Variants in DAB1 observed in about 807,000 individuals in gnomAD.
The protein encoded by DAB1 is disabled homolog 1.
A neutral mutation model predicts 64.6 loss-of-function variants in DAB1; 15 were observed. The ratio of observed to expected loss-of-function variants is 0.23; its 90% CI spans 0.16 to 0.36. The LOEUF (loss-of-function observed/expected upper bound fraction) is 0.36, where lower values mean the gene tolerates loss of function less well. Among genes scored for constraint, DAB1 ranks in the 10% least tolerant of loss-of-function variants. DAB1 has a pLI of 1.00. For missense variants in DAB1, 596 were observed against 706.7 expected (o/e 0.84, Z 1.78); for synonymous variants, 235 against 251.9 (o/e 0.93, Z 0.64).
intron 1 of DAB1, among the ~76,000 whole-genome samples, chr1:57,372,205 AAATTATGAC>A (rs779220621): frequency 4.3e-4 from 65 of 152,332 alleles, no homozygotes; most frequent in Middle Eastern, 3.4e-3. Context: ...AGACATTTAC[AAATTATGAC>A]AATTTCTCTA....
intron 5 of DAB1, among the ~76,000 whole-genome samples, chr1:58,147,494 T>C (rs2100726505): frequency 6.6e-6 from 1 of 151,436 alleles, no homozygotes; most frequent in Admixed American, 6.6e-5. Flanking sequence ...GGCAGACGCC[T>C]GTAGTCCCAG....
In DAB1 at chr1:57,168,665, G is replaced by A. The variant is rs12563280; in HGVS notation, c.68-23236C>T. On this transcript the variant is annotated intron_variant, in intron 2 of 14. Transcript: ENST00000371236. The stretch of plus-strand genomic sequence containing the variant: ...ATAAATGTAGTTCCTCCCCAAATGC[G>A]ATTTTTCCCTTGATCTCCCTTTCAC... 7.7e-3 allele frequency among the ~76,000 whole-genome samples: 1,174 copies of A among 152,192 alleles called. 21 individuals are homozygous for A. Among genetic ancestry groups the A allele is most frequent in the East Asian group, 0.069 (359 of 5,170 alleles).
intron 3 of DAB1, among the ~76,000 whole-genome samples, chr1:58,458,813 T>TCAAA (rs1553184193): frequency 1.9e-4 from 28 of 150,680 alleles, no homozygotes; most frequent in East Asian, 5.9e-4. Context: ...AGATTCTGTC[T>TCAAA]CAAACAAACA....
In DAB1 at chr1:58,081,651, A is replaced by G. The variant is rs115971176; in HGVS notation, n.387+68860T>C. On this transcript the variant is annotated intron_variant and non_coding_transcript_variant, in intron 5 of 20. Transcript: ENST00000485760. ...TCTTAGAAGAATGAAGAGTTGAACC[A>G]TTTGGTGAATGGCATATTTAATGGC... Among the ~76,000 whole-genome samples the G allele has an allele frequency of 5.6e-3, 860 of 152,338 alleles. 8 individuals are homozygous for G. Among genetic ancestry groups the G allele is most frequent in the African/African-American group, 0.02 (821 of 41,578 alleles).
At chr1:58,199,973 C>T (rs774099966) in intron 4 of DAB1, among the ~76,000 whole-genome samples, 5 of 152,070 alleles carry the variant, frequency 3.3e-5, no homozygotes, top group South Asian at 2.1e-4. Context: ...AGAGCAGGGG[C>T]GGAAGTGGAG....
chr1:57,354,354 G>C (rs1056380763), intron 1 of DAB1, among the ~76,000 whole-genome samples: 2 of 152,032 alleles, frequency 1.3e-5, no homozygotes, highest in African/African-American at 4.8e-5. Flanking sequence ...TTGGACCTTA[G>C]ATCACTTCAA....
chr1:58,199,291 G>A (rs1289714395), intron 4 of DAB1, among the ~76,000 whole-genome samples: 1 of 152,094 alleles, frequency 6.6e-6, no homozygotes, highest in Non-Finnish European at 1.5e-5. Flanking sequence ...TTACCATTTT[G>A]GCTTAAGTCA....
At chr1:58,229,587 T>A (rs1208502498) in intron 4 of DAB1, among the ~76,000 whole-genome samples, 1 of 151,918 alleles carries the variant, frequency 6.6e-6, no homozygotes, top group African/African-American at 2.4e-5. Context: ...ATCGGGAAGG[T>A]TTCCCACCCA....
intron 4 of DAB1, among the ~76,000 whole-genome samples, chr1:58,231,202 G>A (rs1659761113): frequency 6.6e-6 from 1 of 152,190 alleles, no homozygotes; most frequent in Non-Finnish European, 1.5e-5. Context: ...GTGAGTGAGT[G>A]AATTAGCCAG....
intron 1 of DAB1, among the ~76,000 whole-genome samples, chr1:57,369,265 C>T (rs376113756): frequency 3.1e-4 from 47 of 152,260 alleles, no homozygotes; most frequent in African/African-American, 1.1e-3. Flanking sequence ...AGAGTAAAAA[C>T]CCAATAAACC....
At chr1:57,212,359 CTTTTTTTTTTTTT>C (rs57653531) in intron 2 of DAB1, among the ~76,000 whole-genome samples, 3 of 82,176 alleles carry the variant, frequency 3.7e-5, no homozygotes, top group African/African-American at 4.9e-5. Flanking sequence ...ATATTATTTC[CTTTTTTTTTTTTT>C]TTTTTTTTTT....
intron 7 of DAB1, among the ~76,000 whole-genome samples, chr1:57,594,425 G>A (rs1645481861): frequency 6.6e-6 from 1 of 152,068 alleles, no homozygotes; most frequent in Non-Finnish European, 1.5e-5. Flanking sequence ...TCTCCTCAAG[G>A]ACTTTAGAAC....
At chr1:58,328,319 G>A (rs1469613690) in intron 4 of DAB1, among the ~76,000 whole-genome samples, 1 of 152,326 alleles carries the variant, frequency 6.6e-6, no homozygotes, top group African/African-American at 2.4e-5. Flanking sequence ...AAGCAGCCCT[G>A]CTTCTCCAAC....
intron 12 of DAB1, among the ~76,000 whole-genome samples, chr1:57,013,314 C>A (rs1646321691): frequency 6.6e-6 from 1 of 152,182 alleles, no homozygotes; most frequent in African/African-American, 2.4e-5. Flanking sequence ...CCAGTTCCTG[C>A]CCTCAAAGAA....
At chr1:57,548,197 CTG>C (rs1338853133) in intron 7 of DAB1, among the ~76,000 whole-genome samples, 5 of 152,238 alleles carry the variant, frequency 3.3e-5, no homozygotes, top group Admixed American at 3.3e-4. Context: ...ATTCTAGGTT[CTG>C]TGCCAAATAA....
At chr1:57,659,436 G>T (rs1158719769) in intron 6 of DAB1, among the ~76,000 whole-genome samples, 1 of 152,176 alleles carries the variant, frequency 6.6e-6, no homozygotes, top group African/African-American at 2.4e-5. Flanking sequence ...AAATCATGCT[G>T]CCTTATAGGC....
chr1:57,230,587 C>A (rs1417632238), intron 2 of DAB1, among the ~76,000 whole-genome samples: 2 of 151,992 alleles, frequency 1.3e-5, no homozygotes, highest in African/African-American at 4.8e-5. Flanking sequence ...GCCAGACAAA[C>A]CACGGTTCAT....
chr1:57,228,276 A>G (rs1325146406), intron 2 of DAB1, among the ~76,000 whole-genome samples: 2 of 152,226 alleles, frequency 1.3e-5, no homozygotes, highest in Admixed American at 6.5e-5. Flanking sequence ...CACACACGTT[A>G]GAATTTTGAC....
intron 1 of DAB1, among the ~76,000 whole-genome samples, chr1:57,315,788 C>T (rs1675146524): frequency 6.6e-6 from 1 of 152,152 alleles, no homozygotes; most frequent in African/African-American, 2.4e-5. Context: ...AGGCATGAGC[C>T]ACCGCGCCCG....
Sources: allele counts gnomAD v4.1 joint callset (sites outside exome capture counted in the v4.1 genomes callset), GRCh38; gene constraint gnomAD v4.1.1; transcripts MANE v1.5; gene names NCBI Gene and HGNC (gene_info 2026-07-23, HGNC 2026-07-21).